SCN8A: variants seen among roughly 807,000 people sequenced by gnomAD.
SCN8A encodes sodium channel protein type 8 subunit alpha.
Under a neutral mutation model 184.1 loss-of-function variants are expected in SCN8A, and 30 were observed. That is an observed-to-expected ratio of 0.16 (90% CI 0.12 to 0.22). SCN8A has a LOEUF of 0.22. Ranked by LOEUF, SCN8A falls within the 10% of genes least tolerant of loss-of-function variation. SCN8A has a pLI of 1.00. For missense variants in SCN8A, 1,057 were observed against 2,498.9 expected (o/e 0.42, Z 12.30); for synonymous variants, 852 against 907.0 (o/e 0.94, Z 1.09).
In SCN8A at chr12:51,777,824, A is replaced by G. The variant is rs1032667205; in HGVS notation, c.3820-2825A>G. Among the ~76,000 whole-genome samples, 9 of 152,300 alleles carry G rather than the reference A, an allele frequency of 5.9e-5. 1 individual carries two copies. The highest frequency in any genetic ancestry group is 2.1e-4 in the South Asian group (1 of 4,816). On this transcript the variant is annotated intron_variant, in intron 20 of 26. Coordinates refer to ENST00000627620, the MANE Select transcript of SCN8A (RefSeq NM_001330260.2). ...GCCACTCAAAGCTTAGTTTCTTGCA[A>G]TCTTTACCTGACAAAGTTTCGTAAG... is the stretch of plus-strand genomic sequence containing the variant.
intron 11 of SCN8A, among the ~76,000 whole-genome samples, chr12:51,716,481 C>T (rs1487918874): frequency 6.6e-6 from 1 of 151,964 alleles, no homozygotes; most frequent in Non-Finnish European, 1.5e-5. Flanking sequence ...GAGGATTTCC[C>T]CAGCTGAAAA....
intron 11 of SCN8A, among the ~76,000 whole-genome samples, chr12:51,714,355 A>G (rs959713345): frequency 7.2e-5 from 4 of 55,744 alleles, no homozygotes; most frequent in African/African-American, 1.4e-4. Context: ...TGCATTGATC[A>G]TTTGAGAAAT....
intron 1 of SCN8A, among the ~76,000 whole-genome samples, chr12:51,609,980 A>AAG (rs1308765585): frequency 4.0e-5 from 6 of 151,772 alleles, no homozygotes; most frequent in Admixed American, 3.9e-4. Flanking sequence ...AATAAAAAAA[A>AAG]TACAATAAAA....
At chr12:51,594,534 G>A (rs1002982559) in intron 1 of SCN8A, among the ~76,000 whole-genome samples, 2 of 152,160 alleles carry the variant, frequency 1.3e-5, no homozygotes, top group Non-Finnish European at 2.9e-5. Context: ...GAAGGCACAT[G>A]CTTGAATTAA....
intron 26 of SCN8A, among the ~76,000 whole-genome samples, chr12:51,803,603 G>A (rs1482391824): frequency 6.6e-6 from 1 of 151,806 alleles, no homozygotes; most frequent in African/African-American, 2.4e-5. Context: ...TTTTCTATGG[G>A]GACAAACACA....
At position 51,591,271 on chromosome 12, in the gene SCN8A, C is replaced by G. The variant is rs1338399570; in HGVS notation, c.-143C>G. 1 of 152,782 alleles carries G rather than the reference C, an allele frequency of 6.5e-6. No homozygotes were observed. Among genetic ancestry groups the G allele is most frequent in the Non-Finnish European group, 1.5e-5 (1 of 68,216 alleles). The allele number at this position is 152,782 out of a possible 1,614,324, so 9.5% of individuals were successfully genotyped here. The stretch of plus-strand genomic sequence containing the variant: ...AGATGGCGCCCACCGCAGTCCCGCC[C>G]GCCGCATCCTCGGCGCCTTTGCAGT... On this transcript the variant is annotated 5_prime_UTR_variant, in exon 1 of 27. Coordinates refer to ENST00000627620, the MANE Select transcript of SCN8A (RefSeq NM_001330260.2).
chr12:51,662,778 G>C lies in SCN8A; in HGVS notation c.-40G>C. On this transcript the variant is annotated 5_prime_UTR_variant, in exon 2 of 27. Coordinates refer to ENST00000627620, the MANE Select transcript of SCN8A (RefSeq NM_001330260.2). Reference sequence around the variant, plus strand: ...GTTTCTTCCAGAGCTGACCTGTCCTGGACGCAGCATAACTAACGAAGCTGC... The same window carrying C: ...GTTTCTTCCAGAGCTGACCTGTCCTCGACGCAGCATAACTAACGAAGCTGC... 6.2e-7 allele frequency: 1 copy of C among 1,604,236 alleles called. No individual in the cohort carries two copies. The highest frequency in any genetic ancestry group is 8.5e-7 in the Non-Finnish European group (1 of 1,174,908).
Position 51,808,379 on chromosome 12 carries a change from C to T in SCN8A, c.*950C>T, listed in dbSNP as rs1938781691. The T allele has an allele frequency of 6.6e-6, 1 of 152,606 alleles. No homozygotes were observed. Among genetic ancestry groups the T allele is most frequent in the Non-Finnish European group, 1.5e-5 (1 of 68,046 alleles). 9.5% of individuals were successfully genotyped at this position (152,606 alleles called of 1,614,324 possible). On this transcript the variant is annotated 3_prime_UTR_variant, in exon 27 of 27. Transcript: ENST00000627620. ...TTGCGTGTATATGTTTAACAGACATCTCTAACATACAGCCATTGTTGCACA... is the reference window on the plus strand; with the variant it reads ...TTGCGTGTATATGTTTAACAGACATTTCTAACATACAGCCATTGTTGCACA...
intron 9 of SCN8A, among the ~76,000 whole-genome samples, chr12:51,704,797 A>G (rs1297252719): frequency 6.6e-6 from 1 of 151,130 alleles, no homozygotes; most frequent in Non-Finnish European, 1.5e-5. Context: ...ACATAGTGAA[A>G]CCCCGTCTCT....
chr12:51,702,776 A>G lies in SCN8A; in HGVS notation c.996A>G (p.Gln332=), dbSNP rs1057522020. 6 of 1,586,456 alleles carry G rather than the reference A, an allele frequency of 3.8e-6. No homozygotes were observed. In the African/African-American group the frequency reaches 4.0e-5, roughly 11 times the overall value. The change falls in exon 9 of 27, where the codon CAA becomes CAG. Residue 332 remains glutamine (Q), a synonymous_variant. Transcript: ENST00000627620. ...GAACTTCCCTTTCTTTCTTTAGGCAATGCCCAGAGGGATACCAGTGTATGA... is the reference window on the plus strand; with the variant it reads ...GAACTTCCCTTTCTTTCTTTAGGCAGTGCCCAGAGGGATACCAGTGTATGA... The part of the protein sequence containing the change: ...LLCGNSSDAG[Q]CPEGYQCMKA...
intron 1 of SCN8A, among the ~76,000 whole-genome samples, chr12:51,616,249 TTCA>T (rs1156388478): frequency 6.6e-6 from 1 of 152,206 alleles, no homozygotes; most frequent in Non-Finnish European, 1.5e-5. Flanking sequence ...ATTTCTGTAT[TTCA>T]TCATCATCTT....
At chr12:51,611,775 G>A (rs1410618149) in intron 1 of SCN8A, among the ~76,000 whole-genome samples, 4 of 152,164 alleles carry the variant, frequency 2.6e-5, no homozygotes, top group African/African-American at 7.2e-5. Flanking sequence ...GATTACTGAC[G>A]TGAGCCACTG....
In SCN8A at chr12:51,706,466, C is replaced by A; in HGVS notation, c.1386C>A (p.Ala462=). 2.5e-6 allele frequency: 4 copies of A among 1,604,570 alleles called. No homozygotes were observed. The highest frequency in any genetic ancestry group is 2.6e-6 in the Non-Finnish European group (3 of 1,175,796). ...ATSAGTVSED[A]IEEEGEEGGG... is the part of the protein sequence containing the mutation. Reference sequence around the variant, plus strand: ...CAGCAGGAACTGTCTCAGAAGATGCCATAGAGGAAGAAGGTGAAGAAGGAG... The same window carrying A: ...CAGCAGGAACTGTCTCAGAAGATGCAATAGAGGAAGAAGGTGAAGAAGGAG... Residue 462 remains alanine (A), a synonymous_variant, in exon 11 of 27, where the codon GCC becomes GCA. Transcript: ENST00000627620.
At chr12:51,611,529 C>T (rs2138578131) in intron 1 of SCN8A, among the ~76,000 whole-genome samples, 1 of 152,180 alleles carries the variant, frequency 6.6e-6, no homozygotes, top group East Asian at 1.9e-4. Flanking sequence ...TGGAGTTTCA[C>T]TCTTGTTGCC....
intron 1 of SCN8A, among the ~76,000 whole-genome samples, chr12:51,621,222 T>C (rs1349571428): frequency 2.0e-5 from 3 of 152,220 alleles, no homozygotes; most frequent in Admixed American, 2.0e-4. Context: ...TAAAATTTTT[T>C]GGCCATCTCT....
intron 15 of SCN8A, among the ~76,000 whole-genome samples, chr12:51,764,351 T>C (rs2138860320): frequency 6.6e-6 from 1 of 152,310 alleles, no homozygotes; most frequent in East Asian, 1.9e-4. Context: ...ATTCTCAGGC[T>C]GGGCCAGGCA....
Position 51,751,302 on chromosome 12 carries a change from C to T in SCN8A, c.2132-53C>T, listed in dbSNP as rs1160495480. The T allele has an allele frequency of 3.4e-6, 4 of 1,192,188 alleles. No individual in the cohort carries two copies. The East Asian group carries it at 9.3e-5, about 28-fold the overall frequency. The allele number at this position is 1,192,188 out of a possible 1,614,324, so 73.9% of individuals were successfully genotyped here. A position where few individuals can be genotyped will look rare whatever the true frequency, so the allele number is the denominator to read the frequency against. Reference sequence around the variant, plus strand: ...ATGACTGAGAGTGAGTAGTGTGTCCCCCTGGTTTTCTTGCTGTGATTGAGG... The same window carrying T: ...ATGACTGAGAGTGAGTAGTGTGTCCTCCTGGTTTTCTTGCTGTGATTGAGG... On this transcript the variant is annotated intron_variant, in intron 13 of 26. Coordinates refer to ENST00000627620, the MANE Select transcript of SCN8A (RefSeq NM_001330260.2).
chr12:51,646,189 T>G (rs192568358), intron 1 of SCN8A, among the ~76,000 whole-genome samples: 73 of 152,182 alleles, frequency 4.8e-4, no homozygotes, highest in African/African-American at 1.7e-3. Flanking sequence ...TTGGGACAGG[T>G]AGACTGAAAA....
intron 2 of SCN8A, among the ~76,000 whole-genome samples, chr12:51,679,039 G>A (rs2138698808): frequency 6.6e-6 from 1 of 151,828 alleles, no homozygotes; most frequent in African/African-American, 2.4e-5. Flanking sequence ...TCACACCGCT[G>A]CACTCCAGCC....
Sources: allele counts gnomAD v4.1 joint callset (sites outside exome capture counted in the v4.1 genomes callset), GRCh38; gene constraint gnomAD v4.1.1; transcripts MANE v1.5; gene names NCBI Gene and HGNC (gene_info 2026-07-23, HGNC 2026-07-21).